The following PCDHGA2 variants were observed in gnomAD, a reference collection of about 807,000 sequenced individuals.
PCDHGA2 encodes the protein protocadherin gamma subfamily A, 2.
Under a neutral mutation model 59.2 loss-of-function variants are expected in PCDHGA2, and 40 were observed. The ratio of observed to expected loss-of-function variants is 0.68; its 90% CI spans 0.52 to 0.88. The LOEUF is 0.88. Ranked by LOEUF, PCDHGA2 falls within the 40% of genes least tolerant of loss-of-function variation. The pLI is 0.00. For synonymous variants in PCDHGA2, 560 were observed against 526.0 expected (o/e 1.06, Z -0.89); for missense variants, 1,226 against 1,204.0 (o/e 1.02, Z -0.27).
Position 141,345,067 on chromosome 5 carries a change from C to T in PCDHGA2, c.2424+3672C>T, listed in dbSNP as rs199942946. 33 of 1,613,950 alleles carry T rather than the reference C, an allele frequency of 2.0e-5. 1 individual carries two copies. In the Admixed American group the frequency reaches 4.7e-4, roughly 23 times the overall value. Reference sequence around the variant, plus strand: ...GTTCTGGATGTGAATGACAATGCTCCAGAAATTACAATCACGTCTCTCACA... The same window carrying T: ...GTTCTGGATGTGAATGACAATGCTCTAGAAATTACAATCACGTCTCTCACA... On this transcript the variant is annotated intron_variant, in intron 1 of 3. Transcript: ENST00000394576.
At chr5:141,424,300 AAC>A (rs1370166165) in intron 1 of PCDHGA2, 2 of 152,504 alleles carry the variant, frequency 1.3e-5, no homozygotes, top group Non-Finnish European at 2.9e-5. Context: ...TCATCCTATC[AAC>A]ACAGACATAT....
intron 1 of PCDHGA2, among the ~76,000 whole-genome samples, chr5:141,472,980 C>CAAA (rs60579131): frequency 5.8e-5 from 5 of 86,104 alleles, no homozygotes; most frequent in Non-Finnish European, 1.0e-4. Context: ...GAGTGAAACT[C>CAAA]AAAAAAAAAA....
intron 3 of PCDHGA2, among the ~76,000 whole-genome samples, chr5:141,505,981 A>G (rs1285802357): frequency 6.6e-6 from 1 of 151,898 alleles, no homozygotes; most frequent in Non-Finnish European, 1.5e-5. Context: ...CCGAGAGAAC[A>G]CCTCCTCTTT....
intron 1 of PCDHGA2, chr5:141,398,862 C>T (rs771326288): frequency 1.9e-5 from 31 of 1,613,848 alleles, no homozygotes; most frequent in Non-Finnish European, 2.6e-5. Flanking sequence ...TCAACCGAGA[C>T]GTGTACAGAG....
chr5:141,408,656 C>G (rs1367377855), intron 1 of PCDHGA2: 1 of 1,614,030 alleles, frequency 6.2e-7, no homozygotes, highest in South Asian at 1.1e-5. Flanking sequence ...TGGTACACGA[C>G]TATCGCTTGA....
chr5:141,370,388 G>C (rs10052885), intron 1 of PCDHGA2: 2 of 1,542,252 alleles, frequency 1.3e-6, no homozygotes, highest in South Asian at 1.3e-5. Context: ...AAGGCGCAGA[G>C]AGCGGGATGG....
At position 141,365,595 on chromosome 5, in the gene PCDHGA2, T is replaced by A. The variant is rs746207657; in HGVS notation, c.2424+24200T>A. The stretch of plus-strand genomic sequence containing the variant: ...GAGACTTCAGATTATAATATCACTT[T>A]AACCGTCATGGACCATGGAACCCCG... On this transcript the variant is annotated intron_variant, in intron 1 of 3. Transcript: ENST00000394576. 1.9e-6 allele frequency: 3 copies of A among 1,613,672 alleles called. No homozygotes were observed. In the South Asian group the frequency reaches 3.3e-5, roughly 18 times the overall value.
Position 141,491,383 on chromosome 5 carries a change from A to C in PCDHGA2, c.2425-3424A>C. The C allele has an allele frequency of 6.2e-7, 1 of 1,614,036 alleles. No individual in the cohort carries two copies. The highest frequency in any genetic ancestry group is 8.5e-7 in the Non-Finnish European group (1 of 1,179,962). ...AGTCACCTTCACCTTTCTGTCAGCG[A>C]AGTGCCTTCAGGGAAACGCAGACGG... On this transcript the variant is annotated intron_variant, in intron 1 of 3. Transcript: ENST00000394576. This position sits in a 1 kb window ranked among gnomAD's most constrained non-coding sequence, Gnocchi z 6.9.
intron 1 of PCDHGA2, among the ~76,000 whole-genome samples, chr5:141,456,499 A>C (rs1283501704): frequency 6.6e-6 from 1 of 152,210 alleles, no homozygotes; most frequent in Non-Finnish European, 1.5e-5. Flanking sequence ...AAAGGGGTTA[A>C]CCAATTCCAT....
In PCDHGA2 at chr5:141,340,228, C is replaced by T. The variant is rs779808377; in HGVS notation, c.1257C>T (p.Asn419=). The T allele has an allele frequency of 1.1e-5, 18 of 1,614,190 alleles. No individual in the cohort carries two copies. The highest frequency in any genetic ancestry group is 2.2e-5 in the South Asian group (2 of 91,078). The change falls in exon 1 of 4, where the codon AAC becomes AAT. Residue 419 remains asparagine (N), a synonymous_variant. Coordinates refer to ENST00000394576, the MANE Select transcript of PCDHGA2 (RefSeq NM_018915.4). ...ALDREQFSFY[N]ITLTAKDGGN... ...ACAGGGAACAGTTTTCCTTTTACAA[C>T]ATCACTCTAACCGCTAAAGATGGAG... is the stretch of plus-strand genomic sequence containing the variant.
At chr5:141,439,531 G>A (rs1474855779) in intron 1 of PCDHGA2, among the ~76,000 whole-genome samples, 5 of 152,126 alleles carry the variant, frequency 3.3e-5, no homozygotes, top group Admixed American at 3.3e-4. Flanking sequence ...TCTACAGAAC[G>A]CTGTCCTCTC....
At chr5:141,383,236 A>G in intron 1 of PCDHGA2, 1 of 1,613,978 alleles carries the variant, frequency 6.2e-7, no homozygotes, top group Non-Finnish European at 8.5e-7. Context: ...GATGGAAGAT[A>G]AAATGAATCT....
At chr5:141,361,783 G>T (rs375966726) in intron 1 of PCDHGA2, 2 of 1,613,244 alleles carry the variant, frequency 1.2e-6, no homozygotes, top group Non-Finnish European at 1.7e-6. Flanking sequence ...GAGCCTGCGC[G>T]TGTTAGTGGG....
At chr5:141,417,532 T>TA (rs1457524771) in intron 1 of PCDHGA2, 17 of 284,868 alleles carry the variant, frequency 6.0e-5, no homozygotes, top group Non-Finnish European at 8.4e-5. Context: ...ACTCGTAGTT[T>TA]AAAAAAAATT....
chr5:141,372,939 G>T (rs1026338118), intron 1 of PCDHGA2: 1 of 824,796 alleles, frequency 1.2e-6, no homozygotes, highest in Non-Finnish European at 1.8e-6. Context: ...GTAGAGTAGG[G>T]TGTCTAGGAA....
intron 1 of PCDHGA2, chr5:141,427,316 C>G: frequency 2.2e-6 from 1 of 457,002 alleles, no homozygotes; most frequent in Non-Finnish European, 4.4e-6. Context: ...ATGCCCCAGA[C>G]GTGGTTTTTA....
intron 1 of PCDHGA2, among the ~76,000 whole-genome samples, chr5:141,457,920 C>T (rs1340816332): frequency 6.6e-6 from 1 of 150,868 alleles, no homozygotes; most frequent in Non-Finnish European, 1.5e-5. Flanking sequence ...GCCAGTTCTC[C>T]CCAAGGGGCT....
rs755093164 is a variant in PCDHGA2, at chr5:141,485,516, G to C, written c.2425-9291G>C. On this transcript the variant is annotated intron_variant, in intron 1 of 3. Coordinates refer to ENST00000394576, the MANE Select transcript of PCDHGA2 (RefSeq NM_018915.4). The surrounding 1 kb of genome is among the most constrained non-coding windows in gnomAD (Gnocchi z 5.7). Reference sequence around the variant, plus strand: ...GGAGTTTGTCACCGAAGGTCCTTTGGAAATGTACCGAGCAGAGGTAGAGAT... The same window carrying C: ...GGAGTTTGTCACCGAAGGTCCTTTGCAAATGTACCGAGCAGAGGTAGAGAT... 1 of 1,614,172 alleles carries C rather than the reference G, an allele frequency of 6.2e-7. No individual in the cohort carries two copies.
At chr5:141,430,853 C>G (rs769009864) in intron 1 of PCDHGA2, 2 of 1,587,214 alleles carry the variant, frequency 1.3e-6, no homozygotes, top group Non-Finnish European at 1.7e-6. Flanking sequence ...CACCCAGATA[C>G]GCTATTCAGT....
Sources: gnomAD v4.1 joint callset for allele counts (sites outside exome capture counted in the v4.1 genomes callset) on GRCh38, gnomAD v4.1.1 for gene constraint, Gnocchi (gnomAD v3.1) non-coding constraint, MANE v1.5 for transcripts, NCBI Gene and HGNC (gene_info 2026-07-23, HGNC 2026-07-21) for gene names.